The following GRID2 variants were observed in gnomAD, a reference collection of about 807,000 sequenced individuals.
GRID2 encodes glutamate receptor ionotropic, delta-2.
In GRID2, 33 loss-of-function variants were observed where a neutral mutation model predicts 114.8. That is an observed-to-expected ratio of 0.29 (90% CI 0.22 to 0.38). GRID2 has a LOEUF of 0.38. Ranked by LOEUF, GRID2 falls within the 10% of genes least tolerant of loss-of-function variation. GRID2 has a pLI of 1.00. For synonymous variants in GRID2, 505 were observed against 449.9 expected (o/e 1.12, Z -1.55); for missense variants, 1,184 against 1,257.7 (o/e 0.94, Z 0.89).
chr4:93,395,672 C>A lies in GRID2; in HGVS notation c.1311C>A (p.Asn437Lys). The change falls in exon 9 of 16, where the codon AAC becomes AAA. Residue 437 changes from asparagine (N) to lysine (K), a missense_variant. Around this residue, in one of 3 missense-constraint regions of GRID2, gnomAD observed 717 missense variants for 796.9 expected, o/e 0.90. Coordinates refer to ENST00000282020, the MANE Select transcript of GRID2 (RefSeq NM_001510.4). ...TGACTGACAAGAAATTGGAGAATAACATGCGTGGAGTGGTTCTACGTGTAG... is the reference window on the plus strand; with the variant it reads ...TGACTGACAAGAAATTGGAGAATAAAATGCGTGGAGTGGTTCTACGTGTAG... The part of the protein sequence containing the change: ...GSLTDKKLEN[N>K]MRGVVLRVVT... 1.3e-6 allele frequency: 2 copies of A among 1,577,794 alleles called. No homozygotes were observed. Among genetic ancestry groups the A allele is most frequent in the Non-Finnish European group, 1.7e-6 (2 of 1,147,520 alleles).
At chr4:92,308,453 A>T (rs1422817092) in intron 1 of GRID2, among the ~76,000 whole-genome samples, 1 of 152,164 alleles carries the variant, frequency 6.6e-6, no homozygotes, top group East Asian at 1.9e-4. Flanking sequence ...AGTAGAAAAG[A>T]TGCATTTATT....
Position 92,341,758 on chromosome 4 carries a change from C to CA in GRID2, c.88+37021dup, listed in dbSNP as rs555312242. On this transcript the variant is annotated intron_variant, in intron 1 of 15. Transcript: ENST00000282020. ...TGAAACCCCATCTCTACTAAAAATA[C>CA]AAAAAAATTAGCCAGGCGTGGTGGC... 9.9e-5 allele frequency among the ~76,000 whole-genome samples: 15 copies of CA among 151,708 alleles called. 1 individual carries two copies. The highest frequency in any genetic ancestry group is 9.8e-4 in the East Asian group (5 of 5,126).
At chr4:92,660,173 T>A (rs182040664) in intron 2 of GRID2, among the ~76,000 whole-genome samples, 1 of 151,446 alleles carries the variant, frequency 6.6e-6, no homozygotes, top group African/African-American at 2.4e-5. Context: ...TGCAAGTATA[T>A]GTGGAAGAGG....
At chr4:93,780,496 C>T (rs1734458206) in intron 1 of GRID2, among the ~76,000 whole-genome samples, 2 of 152,324 alleles carry the variant, frequency 1.3e-5, no homozygotes, top group Middle Eastern at 6.8e-3. Context: ...TGGGAAACCA[C>T]TGGAGTGTTT....
chr4:92,506,269 A>G (rs1276241938), intron 1 of GRID2, among the ~76,000 whole-genome samples: 2 of 151,986 alleles, frequency 1.3e-5, no homozygotes. Flanking sequence ...TGATTCTGTG[A>G]TAAATGAGTT....
chr4:93,157,358 A>C (rs1232196080), intron 4 of GRID2, among the ~76,000 whole-genome samples: 1 of 151,666 alleles, frequency 6.6e-6, no homozygotes, highest in Non-Finnish European at 1.5e-5. Context: ...ATTTTTTAGA[A>C]TGTCCTATTT....
intron 2 of GRID2, among the ~76,000 whole-genome samples, chr4:92,591,715 T>G (rs958153196): frequency 1.3e-5 from 2 of 152,154 alleles, no homozygotes; most frequent in African/African-American, 2.4e-5. Flanking sequence ...TGAAACTTAT[T>G]TATGTTAGTT....
At chr4:92,992,407 G>A (rs1195944431) in intron 2 of GRID2, among the ~76,000 whole-genome samples, 1 of 152,112 alleles carries the variant, frequency 6.6e-6, no homozygotes, top group African/African-American at 2.4e-5. Flanking sequence ...AGCCTCAAAT[G>A]TGTTGAATTA....
intron 4 of GRID2, among the ~76,000 whole-genome samples, chr4:93,131,033 A>G (rs1734748684): frequency 6.6e-6 from 1 of 152,146 alleles, no homozygotes; most frequent in Admixed American, 6.6e-5. Flanking sequence ...ATTTCTTAAA[A>G]CATAAATGAA....
chr4:93,042,761 C>CTAAA, intron 2 of GRID2, among the ~76,000 whole-genome samples: 2 of 147,830 alleles, frequency 1.4e-5, no homozygotes, highest in African/African-American at 2.5e-5. Flanking sequence ...AAATTACATT[C>CTAAA]CTAGCAACTA....
intron 10 of GRID2, among the ~76,000 whole-genome samples, chr4:93,445,224 T>C (rs1721987655): frequency 6.6e-6 from 1 of 152,098 alleles, no homozygotes; most frequent in African/African-American, 2.4e-5. Context: ...AGCTATGTAC[T>C]GAGGAGCACA....
intron 2 of GRID2, among the ~76,000 whole-genome samples, chr4:92,869,131 TA>T (rs1409590792): frequency 6.6e-6 from 1 of 152,168 alleles, no homozygotes; most frequent in Non-Finnish European, 1.5e-5. Flanking sequence ...TTTATAGGGG[TA>T]AATTTTTCAT....
intron 13 of GRID2, among the ~76,000 whole-genome samples, chr4:93,573,044 C>T (rs1736077665): frequency 6.6e-6 from 1 of 152,106 alleles, no homozygotes; most frequent in Non-Finnish European, 1.5e-5. Context: ...ATATCATGTA[C>T]CTAGATCAGT....
intron 2 of GRID2, among the ~76,000 whole-genome samples, chr4:92,864,410 G>A (rs1253557452): frequency 6.6e-6 from 1 of 152,146 alleles, no homozygotes; most frequent in Non-Finnish European, 1.5e-5. Flanking sequence ...TACATGTGGT[G>A]TGGCCAAGAT....
chr4:93,236,749 A>G (rs926847963), intron 7 of GRID2, among the ~76,000 whole-genome samples: 1 of 152,018 alleles, frequency 6.6e-6, no homozygotes, highest in Non-Finnish European at 1.5e-5. Flanking sequence ...TCAAGTACTA[A>G]TCAATGAAAT....
At chr4:93,693,823 T>C (rs114581983) in intron 14 of GRID2, among the ~76,000 whole-genome samples, 1 of 152,104 alleles carries the variant, frequency 6.6e-6, no homozygotes, top group Non-Finnish European at 1.5e-5. Flanking sequence ...ATATATATTA[T>C]GGAAATAATT....
chr4:93,668,072 G>C (rs1340122204), intron 14 of GRID2, among the ~76,000 whole-genome samples: 1 of 151,914 alleles, frequency 6.6e-6, no homozygotes, highest in African/African-American at 2.4e-5. Flanking sequence ...ACAAACCTGA[G>C]ACACAATGAC....
rs373891256 is a variant in GRID2 at position 93,375,214 on chromosome 4, CT to C, written c.1246-20376del. ...TCCATGGGAGTTTTTCTTTTTTTCC[CT>C]TTTTTTTTTTTTTTTTGAGACAGAA... On this transcript the variant is annotated intron_variant, in intron 8 of 15. Coordinates refer to ENST00000282020, the MANE Select transcript of GRID2 (RefSeq NM_001510.4). 9.3e-3 allele frequency among the ~76,000 whole-genome samples: 1,256 copies of C among 135,244 alleles called. 1 individual carries two copies. Among genetic ancestry groups the C allele is most frequent in the Non-Finnish European group, 0.012 (771 of 63,744 alleles). 88.7% of individuals were successfully genotyped at this position (135,244 alleles called of 152,430 possible).
At chr4:93,740,753 T>C (rs1731292937) in intron 14 of GRID2, among the ~76,000 whole-genome samples, 1 of 152,130 alleles carries the variant, frequency 6.6e-6, no homozygotes. Flanking sequence ...TCATCACACA[T>C]ATATTTCTAA....
Sources: allele counts gnomAD v4.1 joint callset (sites outside exome capture counted in the v4.1 genomes callset), GRCh38; gene constraint gnomAD v4.1.1; regional missense constraint gnomAD v4.1.1; transcripts MANE v1.5; gene names NCBI Gene and HGNC (gene_info 2026-07-23, HGNC 2026-07-21).